Variants in SF3B2 observed in about 807,000 individuals in gnomAD.
SF3B2 encodes the protein SAP 145.
A neutral mutation model predicts 116.3 loss-of-function variants in SF3B2; 22 were observed. The ratio of observed to expected loss-of-function variants is 0.19; its 90% confidence interval spans 0.14 to 0.27. The LOEUF is 0.27. Ranked by LOEUF, SF3B2 falls within the 10% of genes least tolerant of loss-of-function variation. The probability of loss-of-function intolerance (pLI) is 1.00; values close to 1 mark genes in which losing one functional copy is unlikely to be tolerated. For synonymous variants in SF3B2, 406 were observed against 421.6 expected (o/e 0.96, Z 0.45); for missense variants, 767 against 1,151.4 (o/e 0.67, Z 4.83).
At chr11:66,052,949 G>A (rs536067698) in intron 2 of SF3B2, 78 bp from the exon 3 acceptor site, 71 of 1,455,212 alleles carry the variant, frequency 4.9e-5, no homozygotes, top group Non-Finnish European at 6.7e-5. Flanking sequence ...GGTACGTTTT[G>A]TTGAATGAAT....
At chr11:66,057,100 C>A in intron 6 of SF3B2, 145 bp downstream of exon 6, 1 of 838,994 alleles carries the variant, frequency 1.2e-6, no homozygotes, top group Non-Finnish European at 2.1e-6. Flanking sequence ...CACACCTGTA[C>A]AACCAGCACC....
chr11:66,059,352 C>G lies in SF3B2; in HGVS notation c.1320+14C>G, dbSNP rs73506531. Reference sequence around the variant, plus strand: ...GATGACGAGCAGGTCAGGCCCAGCCCTCCTGGTGGGAAGCAGGGACTCTGG... The same window carrying G: ...GATGACGAGCAGGTCAGGCCCAGCCGTCCTGGTGGGAAGCAGGGACTCTGG... On this transcript the variant is annotated intron_variant, in intron 11 of 21. Coordinates refer to ENST00000322535, the MANE Select transcript of SF3B2 (RefSeq NM_006842.3). This position sits in a 1 kb window ranked among gnomAD's most constrained non-coding sequence, Gnocchi z 5.0. The G allele has an allele frequency of 2.0e-3, 3,170 of 1,613,710 alleles. 66 individuals carry two copies. In the African/African-American group the frequency reaches 0.036, roughly 18 times the overall value.
At chr11:66,052,926 C>A in intron 2 of SF3B2, 101 bp from the exon 3 acceptor site, 1 of 1,311,674 alleles carries the variant, frequency 7.6e-7, no homozygotes, top group Non-Finnish European at 1.1e-6. Context: ...AGAGCGCTGG[C>A]AGACAGGCAC....
chr11:66,060,406 C>CTT (rs1225000291), intron 13 of SF3B2, among the ~76,000 whole-genome samples, 176 bp from the exon 14 acceptor site: 2 of 152,114 alleles, frequency 1.3e-5, no homozygotes, highest in African/African-American at 4.8e-5. Flanking sequence ...ATTGTATAGT[C>CTT]TGTTTTGTTC....
intron 19 of SF3B2, chr11:66,067,507 A>C (rs1857208621): frequency 4.4e-6 from 2 of 456,436 alleles, no homozygotes; most frequent in Admixed American, 2.3e-5. Context: ...TTAGTGGTGA[A>C]ACTGGCTGTG....
chr11:66,064,349 G>C (rs1857144612), intron 19 of SF3B2, among the ~76,000 whole-genome samples: 1 of 151,998 alleles, frequency 6.6e-6, no homozygotes, highest in Non-Finnish European at 1.5e-5. Context: ...TGTTGCTCTG[G>C]GGTTTATAGA....
At chr11:66,062,114 T>C (rs1339384386) in intron 16 of SF3B2, 116 bp downstream of exon 16, 1 of 745,154 alleles carries the variant, frequency 1.3e-6, no homozygotes, top group South Asian at 1.7e-5. Context: ...TAAAAAATAT[T>C]TTATTGACAT....
intron 19 of SF3B2, 157 bp from the exon 20 acceptor site, chr11:66,067,786 ATTC>A: frequency 1.6e-6 from 1 of 635,912 alleles, no homozygotes; most frequent in Non-Finnish European, 2.8e-6. Flanking sequence ...CCCCCGCCCA[ATTC>A]TTTTCTGTCA....
chr11:66,067,201 AAAAT>A (rs1334943229), intron 19 of SF3B2: 1 of 276,284 alleles, frequency 3.6e-6, no homozygotes, highest in Non-Finnish European at 7.3e-6. Flanking sequence ...TCAAGGAAGA[AAAAT>A]AAAGAAGGGT....
chr11:66,068,733 G>T lies in SF3B2; in HGVS notation c.2676G>T (p.Glu892Asp), dbSNP rs753038644. The change falls in exon 22 of 22, where the codon GAG (glutamate) becomes GAT (aspartate). Residue 892 changes from glutamate (E) to aspartate (D), a missense_variant. Transcript: ENST00000322535. Reference protein sequence around the residue: ...DSRGGSKKYKEFKF With the variant: ...DSRGGSKKYKDFKF The stretch of plus-strand genomic sequence containing the variant: ...GTGGGGGCAGCAAGAAATATAAGGA[G>T]TTCAAGTTTTAGGTCCCCTCACACT... The T allele has an allele frequency of 2.5e-6, 4 of 1,613,988 alleles. No homozygotes were observed. Among genetic ancestry groups the T allele is most frequent in the African/African-American group, 2.7e-5 (2 of 74,900 alleles).
At chr11:66,068,363 TGAGAGCCAGG>T (rs1430210469) in intron 21 of SF3B2, 30 bp downstream of exon 21, 2 of 1,541,274 alleles carry the variant, frequency 1.3e-6, no homozygotes, top group Non-Finnish European at 1.7e-6. Context: ...CTGGGCTGGG[TGAGAGCCAGG>T]GACCCTGGCC....
At position 66,052,425 on chromosome 11, in the gene SF3B2, A is replaced by C. The variant is rs536594368; in HGVS notation, c.41A>C (p.Gln14Pro). ...CCCGAGCCTCCCAAAGCAGAATTGCAGCTGCCGCCGCCGCCACCTCCAGGC... is the reference window on the plus strand; with the variant it reads ...CCCGAGCCTCCCAAAGCAGAATTGCCGCTGCCGCCGCCGCCACCTCCAGGC... Reference protein sequence around the residue: ...EHPEPPKAELQLPPPPPPGHY... With the variant: ...EHPEPPKAELPLPPPPPPGHY... Residue 14 changes from glutamine to proline, a missense_variant, in exon 1 of 22, where the codon CAG becomes CCG. Gln to Pro is a moderately conservative substitution (Grantham distance 76). Coordinates refer to ENST00000322535, the MANE Select transcript of SF3B2 (RefSeq NM_006842.3). 4.1e-5 allele frequency: 66 copies of C among 1,612,946 alleles called. No individual in the cohort carries two copies. In the African/African-American group the frequency reaches 8.5e-4, roughly 21 times the overall value.
At chr11:66,060,806 G>A in intron 14 of SF3B2, 75 bp downstream of exon 14, 1 of 1,504,076 alleles carries the variant, frequency 6.6e-7, no homozygotes, top group Non-Finnish European at 9.1e-7. Flanking sequence ...TTGTTTGTTT[G>A]TTTGTTTAAA....
At position 66,055,088 on chromosome 11, in the gene SF3B2, C is replaced by T. The variant is rs748313704; in HGVS notation, c.271C>T (p.Pro91Ser). ...ATTTTCTCCACAGCTCCCTGGAATT[C>T]CCATGCCACCACCACCTTTGGGACT... ...PPMSAQLPGI[P>S]MPPPPLGLPP... Residue 91 changes from proline (P) to serine (S), a missense_variant, in exon 4 of 22, where the codon CCC becomes TCC. Transcript: ENST00000322535. 6.6e-7 allele frequency: 1 copy of T among 1,514,472 alleles called. No homozygotes were observed. Among genetic ancestry groups the T allele is most frequent in the South Asian group, 1.3e-5 (1 of 74,964 alleles). 93.8% of individuals were successfully genotyped at this position (1,514,472 alleles called of 1,614,324 possible).
Position 66,058,996 on chromosome 11 carries a change from T to C in SF3B2, c.1133T>C (p.Ile378Thr). The change falls in exon 10 of 22, where the codon ATT becomes ACT. Residue 378 changes from isoleucine (I) to threonine (T), a missense_variant. Around this residue, in one of 4 missense-constraint regions of SF3B2, gnomAD observed 455 missense variants for 537.5 expected, o/e 0.85. Transcript: ENST00000322535. Reference sequence around the variant, plus strand: ...GAGTATGTGACTGAAGAACCTGAAATTTACGAGCCCAACTTTATCTTCTTT... The same window carrying C: ...GAGTATGTGACTGAAGAACCTGAAACTTACGAGCCCAACTTTATCTTCTTT... ...EIEYVTEEPEIYEPNFIFFKR... is the reference protein window; with the variant it reads ...EIEYVTEEPETYEPNFIFFKR... The C allele has an allele frequency of 6.2e-7, 1 of 1,614,060 alleles. No homozygotes were observed. The highest frequency in any genetic ancestry group is 8.5e-7 in the Non-Finnish European group (1 of 1,180,018).
At position 66,052,504 on chromosome 11, in the gene SF3B2, A is replaced by G; in HGVS notation, c.120A>G (p.Gly40=). Residue 40 remains glycine (G), a synonymous_variant, in exon 1 of 22, where the codon GGA becomes GGG. Coordinates refer to ENST00000322535, the MANE Select transcript of SF3B2 (RefSeq NM_006842.3). The part of the protein sequence containing the change: ...QELQAKLAEI[G]APIQGNREEL... ...TTCAGGCCAAGTTGGCAGAGATCGG[A>G]GCTCCGATCCAGGGTGAGGAACACA... 6.2e-7 allele frequency: 1 copy of G among 1,613,436 alleles called. No homozygotes were observed. Among genetic ancestry groups the G allele is most frequent in the Non-Finnish European group, 8.5e-7 (1 of 1,179,622 alleles).
intron 3 of SF3B2, among the ~76,000 whole-genome samples, chr11:66,054,646 T>C (rs1856960566): frequency 6.6e-6 from 1 of 152,186 alleles, no homozygotes; most frequent in Non-Finnish European, 1.5e-5. Context: ...TTAGTAGTCA[T>C]TGGGGTTTGC....
At chr11:66,054,458 CAG>C (rs1217327126) in intron 3 of SF3B2, among the ~76,000 whole-genome samples, 3 of 142,858 alleles carry the variant, frequency 2.1e-5, no homozygotes, top group East Asian at 2.1e-4. Context: ...GCCTGGGTGA[CAG>C]AGCGAGACTC....
intron 2 of SF3B2, 21 bp from the exon 3 acceptor site, chr11:66,053,006 A>AC (rs1565085578): frequency 6.2e-7 from 1 of 1,612,786 alleles, no homozygotes; most frequent in Admixed American, 1.7e-5. Flanking sequence ...GGACTGACCT[A>AC]GAGTCCTTTC....
Sources: allele counts gnomAD v4.1 joint callset (sites outside exome capture counted in the v4.1 genomes callset), GRCh38; gene constraint gnomAD v4.1.1; regional missense constraint gnomAD v4.1.1; non-coding constraint Gnocchi (gnomAD v3.1); transcripts MANE v1.5; gene names NCBI Gene and HGNC (gene_info 2026-07-23, HGNC 2026-07-21).